The following ADAMTS3 variants were observed in gnomAD, a reference collection of about 807,000 sequenced individuals.
ADAMTS3 encodes A disintegrin and metalloproteinase with thrombospondin motifs 3.
Under a neutral mutation model 129.0 loss-of-function variants are expected in ADAMTS3, and 73 were observed. The observed-to-expected ratio is 0.57, with a 90% CI of 0.47 to 0.69. The LOEUF (loss-of-function observed/expected upper bound fraction) is 0.69. Ranked by LOEUF, ADAMTS3 falls within the 30% of genes least tolerant of loss-of-function variation. The probability of loss-of-function intolerance (pLI) is 0.00; values close to 1 mark genes in which losing one functional copy is unlikely to be tolerated. For synonymous variants in ADAMTS3, 477 were observed against 510.8 expected, an observed-to-expected ratio of 0.93 and a Z score of 0.89; for missense variants, 1,457 against 1,514.5, an observed-to-expected ratio of 0.96 and a Z score of 0.63.
Position 72,526,781 on chromosome 4 carries a change from CAGAG to C in ADAMTS3, c.504+21693_504+21696del, listed in dbSNP as rs367563051. Among the ~76,000 whole-genome samples the C allele has an allele frequency of 9.3e-4, 85 of 91,858 alleles. 1 individual carries two copies. Among genetic ancestry groups the C allele is most frequent in the Non-Finnish European group, 8.9e-4 (40 of 45,048 alleles). The allele number at this position is 91,858 out of a possible 152,430, so 60.3% of individuals were successfully genotyped here. A position where few individuals can be genotyped will look rare whatever the true frequency, so the allele number is the denominator to read the frequency against. On this transcript the variant is annotated intron_variant, in intron 3 of 21. Transcript: ENST00000286657. Reference sequence around the variant, plus strand: ...ATATATATATATATATATATATAGACAGAGAGAGAGAGAGAGAGAGAGGAATCCA... The same window carrying C: ...ATATATATATATATATATATATAGACAGAGAGAGAGAGAGAGAGGAATCCA...
chr4:72,456,109 A>G (rs1718589123), intron 3 of ADAMTS3, among the ~76,000 whole-genome samples: 1 of 69,770 alleles, frequency 1.4e-5, no homozygotes, highest in Non-Finnish European at 2.5e-5. Flanking sequence ...TAGTATATAT[A>G]CTATATATAT....
Position 72,456,110 on chromosome 4 carries a change from C to CTA in ADAMTS3, c.505-41141_505-41140dup, listed in dbSNP as rs1316968030. Reference sequence around the variant, plus strand: ...ATATTTTATATATATAGTATATATACTATATATATTTTATATATAGTATAT... The same window carrying CTA: ...ATATTTTATATATATAGTATATATACTATATATATATTTTATATATAGTATAT... On this transcript the variant is annotated intron_variant, in intron 3 of 21. Coordinates refer to ENST00000286657, the MANE Select transcript of ADAMTS3 (RefSeq NM_014243.3). Among the ~76,000 whole-genome samples, 25 of 50,134 alleles carry CTA rather than the reference C, an allele frequency of 5.0e-4. 4 individuals are homozygous for CTA. The highest frequency in any genetic ancestry group is 1.2e-3 in the East Asian group (2 of 1,612). 32.9% of individuals were successfully genotyped at this position (50,134 alleles called of 152,430 possible). A position where few individuals can be genotyped will look rare whatever the true frequency, so the allele number is the denominator to read the frequency against.
chr4:72,319,796 A>G, intron 8 of ADAMTS3, 62 bp downstream of exon 8: 1 of 1,340,456 alleles, frequency 7.5e-7, no homozygotes, highest in Admixed American at 1.8e-5. Context: ...AGGAAACAAT[A>G]CTGGGAGAAG....
At chr4:72,479,250 A>C (rs1719349323) in intron 3 of ADAMTS3, among the ~76,000 whole-genome samples, 1 of 152,212 alleles carries the variant, frequency 6.6e-6, no homozygotes, top group Admixed American at 6.5e-5. Context: ...ATCCTAAGCC[A>C]AAAGAACAAA....
At chr4:72,468,100 A>C (rs1368084923) in intron 3 of ADAMTS3, among the ~76,000 whole-genome samples, 1 of 152,136 alleles carries the variant, frequency 6.6e-6, no homozygotes, top group Non-Finnish European at 1.5e-5. Context: ...GTCTGAAAAA[A>C]AAATTTCTTT....
At chr4:72,557,215 G>A (rs1258772257) in intron 2 of ADAMTS3, among the ~76,000 whole-genome samples, 1 of 151,768 alleles carries the variant, frequency 6.6e-6, no homozygotes, top group African/African-American at 2.4e-5. Context: ...TCCAAATCCT[G>A]AGCCAAGAGT....
chr4:72,472,795 C>T (rs1719112061), intron 3 of ADAMTS3, among the ~76,000 whole-genome samples: 1 of 152,090 alleles, frequency 6.6e-6, no homozygotes, highest in Admixed American at 6.6e-5. Context: ...TCATGGATAG[C>T]TTATGTTGAC....
At chr4:72,326,272 G>A (rs1296944136) in intron 5 of ADAMTS3, among the ~76,000 whole-genome samples, 1 of 152,086 alleles carries the variant, frequency 6.6e-6, no homozygotes, top group Non-Finnish European at 1.5e-5. Flanking sequence ...TGTCTGTACT[G>A]TACAAAGCAC....
intron 3 of ADAMTS3, among the ~76,000 whole-genome samples, chr4:72,517,231 G>A (rs935388226): frequency 5.3e-4 from 81 of 152,152 alleles, no homozygotes; most frequent in African/African-American, 1.7e-3. Flanking sequence ...TGCTGGATTC[G>A]GTTTGCCAGT....
intron 5 of ADAMTS3, among the ~76,000 whole-genome samples, chr4:72,325,953 A>G (rs1262943172): frequency 6.6e-6 from 1 of 152,198 alleles, no homozygotes; most frequent in African/African-American, 2.4e-5. Flanking sequence ...AGAAAGTACA[A>G]TGGACAAAAT....
chr4:72,563,234 T>A (rs1560569090), intron 2 of ADAMTS3, among the ~76,000 whole-genome samples: 1 of 152,164 alleles, frequency 6.6e-6, no homozygotes, highest in African/African-American at 2.4e-5. Flanking sequence ...CACCTAAGAA[T>A]CTTGAAGCAG....
At chr4:72,436,038 A>G (rs533387171) in intron 3 of ADAMTS3, among the ~76,000 whole-genome samples, 1 of 152,138 alleles carries the variant, frequency 6.6e-6, no homozygotes, top group Non-Finnish European at 1.5e-5. Flanking sequence ...CTGCGCAACA[A>G]AAGAAACTAC....
intron 4 of ADAMTS3, among the ~76,000 whole-genome samples, chr4:72,412,691 A>G (rs1722211685): frequency 6.6e-6 from 1 of 152,072 alleles, no homozygotes; most frequent in Non-Finnish European, 1.5e-5. Context: ...GAACATTTTA[A>G]GAGAACTGAA....
At chr4:72,482,427 T>C (rs916063853) in intron 3 of ADAMTS3, among the ~76,000 whole-genome samples, 1 of 151,964 alleles carries the variant, frequency 6.6e-6, no homozygotes, top group Non-Finnish European at 1.5e-5. Flanking sequence ...GGTTACATAC[T>C]ATATAGTACC....
At position 72,281,752 on chromosome 4, in the gene ADAMTS3, C is replaced by T. The variant is rs1718349619; in HGVS notation, c.*1384G>A. The T allele has an allele frequency of 6.6e-6, 1 of 152,044 alleles. No homozygotes were observed. Among genetic ancestry groups the T allele is most frequent in the Non-Finnish European group, 1.5e-5 (1 of 68,008 alleles). The allele number at this position is 152,044 out of a possible 1,614,324, so 9.4% of individuals were successfully genotyped here. The stretch of plus-strand genomic sequence containing the variant: ...AGCATGCATCTCTAATTATGTCTCT[C>T]TAGTTTACCAAAATATGTAATTGAT... On this transcript the variant is annotated 3_prime_UTR_variant, in exon 22 of 22. Coordinates refer to ENST00000286657, the MANE Select transcript of ADAMTS3 (RefSeq NM_014243.3).
chr4:72,501,934 A>G (rs1480223056), intron 3 of ADAMTS3, among the ~76,000 whole-genome samples: 1 of 114,094 alleles, frequency 8.8e-6, no homozygotes, highest in Non-Finnish European at 1.9e-5. Flanking sequence ...GTGTTTGTTG[A>G]ACAAACCTCG....
At chr4:72,380,839 A>G (rs1408357879) in intron 4 of ADAMTS3, among the ~76,000 whole-genome samples, 1 of 152,198 alleles carries the variant, frequency 6.6e-6, no homozygotes, top group Non-Finnish European at 1.5e-5. Context: ...TCATCTTGAC[A>G]TCTTAGTAAA....
chr4:72,559,009 A>T (rs1432772495), intron 2 of ADAMTS3, among the ~76,000 whole-genome samples: 1 of 151,748 alleles, frequency 6.6e-6, no homozygotes, highest in Non-Finnish European at 1.5e-5. Flanking sequence ...AACTTGTGGG[A>T]GGTGTAGGGG....
rs1395055876 is a variant in ADAMTS3, at chr4:72,532,718, A to G, written c.504+15760T>C. The stretch of plus-strand genomic sequence containing the variant: ...ATACCTAGGCTGTATGGCACAACAT[A>G]TTGCTCCCAGGCTGCAAACCTACAC... On this transcript the variant is annotated intron_variant, in intron 3 of 21. Transcript: ENST00000286657. Among the ~76,000 whole-genome samples, 5 of 152,126 alleles carry G rather than the reference A, an allele frequency of 3.3e-5. No individual in the cohort carries two copies. The East Asian group carries it at 9.6e-4, about 29-fold the overall frequency.
Sources: allele counts gnomAD v4.1 joint callset (sites outside exome capture counted in the v4.1 genomes callset), GRCh38; gene constraint gnomAD v4.1.1; transcripts MANE v1.5; gene names NCBI Gene and HGNC (gene_info 2026-07-23, HGNC 2026-07-21).